Variants in TRIM5 observed in about 807,000 individuals in gnomAD.
TRIM5 encodes tripartite motif containing 5, also known as tripartite motif-containing protein 5.
Under a neutral mutation model 35.6 loss-of-function variants are expected in TRIM5, and 31 were observed. That is an observed-to-expected ratio of 0.87 (90% CI 0.65 to 1.18). The LOEUF (loss-of-function observed/expected upper bound fraction) is 1.18. Among genes scored for constraint, TRIM5 ranks in the 50% most tolerant of loss-of-function variants. The probability of loss-of-function intolerance (pLI) is 0.00; values close to 1 mark genes in which losing one functional copy is unlikely to be tolerated. For missense variants in TRIM5, 609 were observed against 591.6 expected (o/e 1.03, Z -0.31); for synonymous variants, 243 against 215.6 (o/e 1.13, Z -1.11).
At chr11:5,592,746 GTC>G in the TRIM5 span, among the ~76,000 whole-genome samples, 1 of 151,524 alleles carries the variant, frequency 6.6e-6, no homozygotes. Flanking sequence ...ATGAAATCCT[GTC>G]TCTACAAAAT....
At chr11:5,596,898 A>G in the TRIM5 span, 3 of 1,613,832 alleles carry the variant, frequency 1.9e-6, no homozygotes, top group African/African-American at 4.0e-5. Flanking sequence ...CATTCCCCAG[A>G]TGTGCGGGTC....
the TRIM5 span, among the ~76,000 whole-genome samples, chr11:5,615,035 T>C: frequency 1.3e-5 from 2 of 152,230 alleles, no homozygotes; most frequent in Non-Finnish European, 2.9e-5. Context: ...TCTTTGACCA[T>C]TGAATTATTT....
chr11:5,600,778 T>C, the TRIM5 span, among the ~76,000 whole-genome samples: 1 of 152,168 alleles, frequency 6.6e-6, no homozygotes, highest in African/African-American at 2.4e-5. Context: ...CCCTACGCAC[T>C]GTGGCCTGTT....
At chr11:5,613,899 A>G in the TRIM5 span, among the ~76,000 whole-genome samples, 20 of 51,714 alleles carry the variant, frequency 3.9e-4, no homozygotes, top group Non-Finnish European at 6.8e-4. Context: ...CTTTATTGTG[A>G]TATTTACTTC....
chr11:5,634,802 A>G, the TRIM5 span: 3 of 1,613,744 alleles, frequency 1.9e-6, no homozygotes, highest in African/African-American at 4.0e-5. Flanking sequence ...GCAGTTGGTG[A>G]GAGAGCTCAT....
chr11:5,652,258 G>T, the TRIM5 span, among the ~76,000 whole-genome samples: 3 of 152,074 alleles, frequency 2.0e-5, no homozygotes, highest in Non-Finnish European at 4.4e-5. Context: ...GTCCAGAATG[G>T]TATTACCTAG....
In TRIM5 at chr11:5,665,006, G is replaced by A. The variant is rs770468397; in HGVS notation, c.1285C>T (p.Leu429Phe). Residue 429 changes from leucine to phenylalanine, a missense_variant, in exon 8 of 8, where the codon CTC becomes TTC. By Grantham distance (22) the Leu-to-Phe change is conservative (BLOSUM62 0). Transcript: ENST00000380034. ...HTPSVPFIVP[L>F]SVIICPDRVG... ...CGATCAGGACAAATAATCACAGAGA[G>A]GGGCACAATGAAAGGAACAGAAGGA... 6.2e-7 allele frequency: 1 copy of A among 1,613,988 alleles called. No individual in the cohort carries two copies. The highest frequency in any genetic ancestry group is 1.3e-5 in the African/African-American group (1 of 74,902).
At chr11:5,627,877 C>A in the TRIM5 span, among the ~76,000 whole-genome samples, 2 of 152,216 alleles carry the variant, frequency 1.3e-5, no homozygotes, top group African/African-American at 4.8e-5. Context: ...TAGAGACACT[C>A]TAATTTTACT....
the TRIM5 span, among the ~76,000 whole-genome samples, chr11:5,609,966 G>A: frequency 6.6e-6 from 1 of 152,182 alleles, no homozygotes; most frequent in Non-Finnish European, 1.5e-5. Flanking sequence ...TAGATGGTGA[G>A]ATGATAGTTT....
chr11:5,677,951 T>A (rs1193470998), intron 4 of TRIM5: 3 of 343,698 alleles, frequency 8.7e-6, no homozygotes, highest in Non-Finnish European at 1.6e-5. Flanking sequence ...AATAGGAACC[T>A]ATCAAACATG....
chr11:5,634,715 C>A, the TRIM5 span: 1 of 1,614,038 alleles, frequency 6.2e-7, no homozygotes, highest in African/African-American at 1.3e-5. Context: ...GCAGAGAGAG[C>A]TGCAAAGATT....
the TRIM5 span, among the ~76,000 whole-genome samples, chr11:5,656,160 T>A: frequency 6.6e-6 from 1 of 152,170 alleles, no homozygotes; most frequent in African/African-American, 2.4e-5. Flanking sequence ...AAATGGGATC[T>A]AATTAAACAA....
downstream of TRIM5, among the ~76,000 whole-genome samples, chr11:5,659,218 G>T (rs1459287531): frequency 1.3e-5 from 2 of 152,008 alleles, no homozygotes; most frequent in Non-Finnish European, 2.9e-5. Flanking sequence ...ACCCCTAGAG[G>T]TTGCTGTGGG....
At chr11:5,645,212 C>T in the TRIM5 span, among the ~76,000 whole-genome samples, 1 of 151,808 alleles carries the variant, frequency 6.6e-6, no homozygotes, top group East Asian at 1.9e-4. Context: ...GCCAAAATTG[C>T]AAAACCCTGT....
At chr11:5,657,027 C>A in the TRIM5 span, among the ~76,000 whole-genome samples, 2 of 152,294 alleles carry the variant, frequency 1.3e-5, no homozygotes, top group South Asian at 4.1e-4. Context: ...TTTATTGCAG[C>A]ACTATTCACA....
chr11:5,628,709 G>A, the TRIM5 span, among the ~76,000 whole-genome samples: 1 of 151,974 alleles, frequency 6.6e-6, no homozygotes, highest in African/African-American at 2.4e-5. Flanking sequence ...TAGCACTGTT[G>A]TAACCAATTA....
intron 1 of TRIM5, among the ~76,000 whole-genome samples, chr11:5,682,977 C>T (rs529336820): frequency 9.9e-5 from 15 of 152,184 alleles, no homozygotes; most frequent in African/African-American, 2.7e-4. Flanking sequence ...CGGGGCTGCG[C>T]GCCGCGCTTG....
At chr11:5,609,126 C>T in the TRIM5 span, among the ~76,000 whole-genome samples, 2 of 152,068 alleles carry the variant, frequency 1.3e-5, no homozygotes, top group Non-Finnish European at 2.9e-5. Context: ...GCCCGGGAAT[C>T]AAACATGTTC....
downstream of TRIM5, among the ~76,000 whole-genome samples, chr11:5,661,561 G>A (rs1490180136): frequency 6.6e-6 from 1 of 152,032 alleles, no homozygotes; most frequent in Non-Finnish European, 1.5e-5. Context: ...ATTCTAGCCA[G>A]ATATGCCTAA....
Sources: gnomAD v4.1 joint callset for allele counts (sites outside exome capture counted in the v4.1 genomes callset) on GRCh38, gnomAD v4.1.1 for gene constraint, MANE v1.5 for transcripts, NCBI Gene and HGNC (gene_info 2026-07-23, HGNC 2026-07-21) for gene names.